Variants in CLSTN2 observed in about 807,000 individuals in gnomAD.
CLSTN2 encodes calsyntenin 2, also known as calsyntenin-2.
CLSTN2 carries 48 observed loss-of-function variants against 101.2 expected under a neutral mutation model. That is an observed-to-expected ratio of 0.47 (90% CI 0.38 to 0.60). CLSTN2 has a LOEUF of 0.60. Among genes scored for constraint, CLSTN2 ranks in the 20% least tolerant of loss-of-function variants. The pLI is 0.00. For synonymous variants in CLSTN2, 481 were observed against 463.6 expected (o/e 1.04, Z -0.48); for missense variants, 1,160 against 1,238.2 (o/e 0.94, Z 0.95).
intron 8 of CLSTN2, among the ~76,000 whole-genome samples, chr3:140,528,016 C>T (rs1935179173): frequency 6.6e-6 from 1 of 152,110 alleles, no homozygotes; most frequent in African/African-American, 2.4e-5. Flanking sequence ...CTCAGAGTCA[C>T]ACAATATACC....
At chr3:140,054,102 T>C (rs1010618838) in intron 1 of CLSTN2, among the ~76,000 whole-genome samples, 1 of 152,100 alleles carries the variant, frequency 6.6e-6, no homozygotes, top group Non-Finnish European at 1.5e-5. Flanking sequence ...GGGCTGGTGG[T>C]GACCAAAGGT....
chr3:140,317,892 G>C (rs1375993275), intron 2 of CLSTN2, among the ~76,000 whole-genome samples: 1 of 152,066 alleles, frequency 6.6e-6, no homozygotes, highest in East Asian at 1.9e-4. Flanking sequence ...TGCATTAATT[G>C]CTCGCTATAT....
intron 1 of CLSTN2, among the ~76,000 whole-genome samples, chr3:140,102,751 T>C (rs1430762679): frequency 6.6e-6 from 1 of 152,176 alleles, no homozygotes; most frequent in Non-Finnish European, 1.5e-5. Flanking sequence ...ACTCTAGTTG[T>C]GGTAGTCAGA....
At chr3:140,189,885 A>G (rs2010535320) in intron 2 of CLSTN2, among the ~76,000 whole-genome samples, 1 of 152,168 alleles carries the variant, frequency 6.6e-6, no homozygotes, top group Non-Finnish European at 1.5e-5. Flanking sequence ...CTGCCATAAA[A>G]AAATACCATA....
chr3:140,422,959 G>A (rs2088522122), intron 5 of CLSTN2, among the ~76,000 whole-genome samples: 1 of 152,192 alleles, frequency 6.6e-6, no homozygotes, highest in South Asian at 2.1e-4. Flanking sequence ...AACTCATGAA[G>A]ATTAGCTCCA....
intron 2 of CLSTN2, among the ~76,000 whole-genome samples, chr3:140,361,620 A>T (rs2087731479): frequency 6.6e-6 from 1 of 152,214 alleles, no homozygotes; most frequent in Non-Finnish European, 1.5e-5. Context: ...TGAATAAACA[A>T]GTTCAGCAAG....
intron 1 of CLSTN2, among the ~76,000 whole-genome samples, chr3:140,002,210 G>A (rs1021138400): frequency 6.6e-6 from 1 of 152,008 alleles, no homozygotes; most frequent in African/African-American, 2.4e-5. Flanking sequence ...TTTTCTCCAC[G>A]TCCTCACCAG....
chr3:140,427,229 G>GTATATATATATATATATA (rs1273847419), intron 5 of CLSTN2, among the ~76,000 whole-genome samples: 2 of 72,642 alleles, frequency 2.8e-5, no homozygotes, highest in Non-Finnish European at 4.8e-5. Flanking sequence ...ATATATGTGT[G>GTATATATATATATATATA]TATATATATA....
Position 140,186,974 on chromosome 3 carries a change from T to C in CLSTN2, c.232+10901T>C, listed in dbSNP as rs183875388. Reference sequence around the variant, plus strand: ...GAGGGCACAGAGGCACATGAGCAAATGGCTTTTTTTCTAACTCTACCAGGC... The same window carrying C: ...GAGGGCACAGAGGCACATGAGCAAACGGCTTTTTTTCTAACTCTACCAGGC... On this transcript the variant is annotated intron_variant, in intron 2 of 16. Transcript: ENST00000458420. 4.0e-5 allele frequency among the ~76,000 whole-genome samples: 6 copies of C among 151,888 alleles called. No individual in the cohort carries two copies. In the East Asian group the frequency reaches 9.7e-4, roughly 24 times the overall value.
intron 2 of CLSTN2, among the ~76,000 whole-genome samples, chr3:140,365,898 A>G (rs1341674657): frequency 6.6e-6 from 1 of 152,208 alleles, no homozygotes; most frequent in African/African-American, 2.4e-5. Flanking sequence ...CTGAGCTTGC[A>G]TAGAGGGCCT....
chr3:140,522,632 A>G (rs528454103), intron 8 of CLSTN2, among the ~76,000 whole-genome samples: 33 of 152,250 alleles, frequency 2.2e-4, no homozygotes, highest in Non-Finnish European at 2.9e-4. Context: ...CTAGTCCGCT[A>G]GAGCCCAACC....
chr3:140,454,910 A>G (rs1933358781), intron 6 of CLSTN2, among the ~76,000 whole-genome samples: 1 of 152,206 alleles, frequency 6.6e-6, no homozygotes, highest in Non-Finnish European at 1.5e-5. Context: ...TGTGAATAGA[A>G]TACATTCTAC....
intron 2 of CLSTN2, among the ~76,000 whole-genome samples, chr3:140,346,187 A>G (rs2087544655): frequency 6.6e-6 from 1 of 152,224 alleles, no homozygotes; most frequent in Non-Finnish European, 1.5e-5. Context: ...AAAGGTGTGT[A>G]TTCTATGCCA....
chr3:139,996,649 A>G (rs1036525116), intron 1 of CLSTN2, among the ~76,000 whole-genome samples: 2 of 152,026 alleles, frequency 1.3e-5, no homozygotes, highest in Non-Finnish European at 2.9e-5. Flanking sequence ...TATTTTTCCA[A>G]CTGAATGAAT....
intron 2 of CLSTN2, among the ~76,000 whole-genome samples, chr3:140,344,433 CA>C (rs2087522433): frequency 6.6e-6 from 1 of 152,188 alleles, no homozygotes; most frequent in Non-Finnish European, 1.5e-5. Flanking sequence ...ATGCCAGAGA[CA>C]ACCCCAGGAG....
chr3:140,204,208 G>A (rs2010752917), intron 2 of CLSTN2, among the ~76,000 whole-genome samples: 1 of 152,186 alleles, frequency 6.6e-6, no homozygotes, highest in Admixed American at 6.5e-5. Context: ...GCATGTGGAA[G>A]GTGTTCATAA....
intron 2 of CLSTN2, among the ~76,000 whole-genome samples, chr3:140,324,240 T>G (rs963876437): frequency 1.3e-5 from 2 of 152,228 alleles, no homozygotes; most frequent in African/African-American, 4.8e-5. Context: ...TGACCCTTTG[T>G]GTAGAAAGCT....
At chr3:140,349,274 A>G (rs1245965443) in intron 2 of CLSTN2, among the ~76,000 whole-genome samples, 1 of 152,174 alleles carries the variant, frequency 6.6e-6, no homozygotes, top group Non-Finnish European at 1.5e-5. Context: ...TAAATTACCC[A>G]GTCTCGGGCA....
chr3:140,214,179 C>A (rs936985739), intron 2 of CLSTN2, among the ~76,000 whole-genome samples: 5 of 152,092 alleles, frequency 3.3e-5, no homozygotes, highest in Non-Finnish European at 5.9e-5. Flanking sequence ...GTGGCTCACG[C>A]CTGTAATCCC....
Sources: gnomAD v4.1 joint callset for allele counts (sites outside exome capture counted in the v4.1 genomes callset) on GRCh38, gnomAD v4.1.1 for gene constraint, MANE v1.5 for transcripts, NCBI Gene and HGNC (gene_info 2026-07-23, HGNC 2026-07-21) for gene names.